Variants in CYP7B1 observed in about 807,000 individuals in gnomAD.
CYP7B1 encodes cytochrome P450 7B1.
CYP7B1 carries 29 observed loss-of-function variants against 42.7 expected under a neutral mutation model. The observed-to-expected ratio is 0.68, with a 90% CI of 0.51 to 0.93. CYP7B1 has a LOEUF of 0.93. Ranked by LOEUF, CYP7B1 falls within the 40% of genes least tolerant of loss-of-function variation. The pLI, the probability that CYP7B1 is intolerant of heterozygous loss-of-function variation, is 0.00. For synonymous variants in CYP7B1, 235 were observed against 218.2 expected (o/e 1.08, Z -0.68); for missense variants, 655 against 600.5 (o/e 1.09, Z -0.95).
At chr8:64,625,836 T>A (rs538085815) in intron 1 of CYP7B1, among the ~76,000 whole-genome samples, 27 of 152,270 alleles carry the variant, frequency 1.8e-4, no homozygotes, top group African/African-American at 6.3e-4. Flanking sequence ...ATAAAGGCTA[T>A]GAGGGTTTCT....
In CYP7B1 at chr8:64,591,575, T is replaced by G. The variant is rs1237132958; in HGVS notation, c.*5067A>C. Among the ~76,000 whole-genome samples, 5 of 152,200 alleles carry G rather than the reference T, an allele frequency of 3.3e-5. No homozygotes were observed. The highest frequency in any genetic ancestry group is 7.3e-5 in the Non-Finnish European group (5 of 68,038). On this transcript the variant is annotated 3_prime_UTR_variant, in exon 6 of 6. Transcript: ENST00000310193. Reference sequence around the variant, plus strand: ...ACTTGCAGAAAATTACCCAAATTATTTTTATGATAAAATAAGCATTAAAAA... The same window carrying G: ...ACTTGCAGAAAATTACCCAAATTATGTTTATGATAAAATAAGCATTAAAAA...
chr8:64,617,695 T>G (rs1305718673), intron 2 of CYP7B1, among the ~76,000 whole-genome samples: 1 of 152,146 alleles, frequency 6.6e-6, no homozygotes, highest in Non-Finnish European at 1.5e-5. Context: ...TGTCTGTGTG[T>G]GTGTGTGTTG....
chr8:64,604,719 A>C lies in CYP7B1; in HGVS notation c.1196T>G (p.Val399Gly), dbSNP rs1269274384. Residue 399 changes from valine (V) to glycine (G), a missense_variant, in exon 5 of 6, where the codon GTC becomes GGC. Val to Gly is a moderately radical substitution (Grantham distance 109). Coordinates refer to ENST00000310193, the MANE Select transcript of CYP7B1 (RefSeq NM_004820.5). ...AAAGATTTCAGGGTCACCATGTAGG[A>C]CTGGAGGAAAGATGGCTACCAAGTC... ...KGDLVAIFPP[V>G]LHGDPEIFEA... 1.2e-6 allele frequency: 2 copies of C among 1,614,136 alleles called. No individual in the cohort carries two copies. The highest frequency in any genetic ancestry group is 1.6e-4 in the Middle Eastern group (1 of 6,062).
intron 1 of CYP7B1, among the ~76,000 whole-genome samples, chr8:64,735,023 T>C (rs890039566): frequency 5.3e-5 from 8 of 152,112 alleles, no homozygotes; most frequent in Admixed American, 4.6e-4. Context: ...GCCACTGACC[T>C]GGAGGAGGTG....
intron 1 of CYP7B1, among the ~76,000 whole-genome samples, chr8:64,719,291 TC>T (rs1284548089): frequency 6.6e-6 from 1 of 152,144 alleles, no homozygotes; most frequent in Non-Finnish European, 1.5e-5. Flanking sequence ...ATCATTAAGA[TC>T]CCCACAAAGC....
At chr8:64,588,582 G>T, downstream of CYP7B1, among the ~76,000 whole-genome samples, 1 of 152,174 alleles carries the variant, frequency 6.6e-6, no homozygotes, top group East Asian at 1.9e-4. Flanking sequence ...GGCAATTACT[G>T]AAGAACTTGG....
At position 64,678,622 on chromosome 8, in the gene CYP7B1, C is replaced by T. The variant is rs1806486788; in HGVS notation, c.123-54083G>A. ...TCTACAATCAGTATTTGGTAACATACTGCTGCTACGGGTGCTCCTTGCCTG... is the reference window on the plus strand; with the variant it reads ...TCTACAATCAGTATTTGGTAACATATTGCTGCTACGGGTGCTCCTTGCCTG... On this transcript the variant is annotated intron_variant, in intron 1 of 5. Coordinates refer to ENST00000310193, the MANE Select transcript of CYP7B1 (RefSeq NM_004820.5). Among the ~76,000 whole-genome samples the T allele has an allele frequency of 2.0e-5, 3 of 152,146 alleles. No homozygotes were observed. In the South Asian group the frequency reaches 6.2e-4, roughly 32 times the overall value.
intron 1 of CYP7B1, among the ~76,000 whole-genome samples, chr8:64,696,736 T>C (rs1030062488): frequency 1.3e-5 from 2 of 152,230 alleles, no homozygotes; most frequent in African/African-American, 2.4e-5. Context: ...ACTTTTTTTT[T>C]CTTATATTTC....
At chr8:64,587,305 C>G (rs1452568347), downstream of CYP7B1, among the ~76,000 whole-genome samples, 1 of 152,050 alleles carries the variant, frequency 6.6e-6, no homozygotes, top group Non-Finnish European at 1.5e-5. Flanking sequence ...AGCACCCCTT[C>G]TCTCAGGACT....
At chr8:64,764,648 C>A (rs1017124832) in intron 1 of CYP7B1, among the ~76,000 whole-genome samples, 1 of 152,048 alleles carries the variant, frequency 6.6e-6, no homozygotes, top group Non-Finnish European at 1.5e-5. Context: ...ACCCAGTAAC[C>A]CACAGATGGC....
intron 1 of CYP7B1, among the ~76,000 whole-genome samples, chr8:64,663,350 G>T (rs575634524): frequency 6.6e-6 from 1 of 152,254 alleles, no homozygotes; most frequent in South Asian, 2.1e-4. Flanking sequence ...TTAGCACAGG[G>T]CTTGACACTT....
At chr8:64,697,942 G>C (rs574902567) in intron 1 of CYP7B1, among the ~76,000 whole-genome samples, 2 of 152,278 alleles carry the variant, frequency 1.3e-5, no homozygotes, top group Admixed American at 6.5e-5. Context: ...GGCTCACATA[G>C]ACCAGATATT....
intron 1 of CYP7B1, among the ~76,000 whole-genome samples, chr8:64,735,413 A>C (rs1807472569): frequency 1.3e-5 from 2 of 152,088 alleles, no homozygotes; most frequent in Non-Finnish European, 2.9e-5. Flanking sequence ...CCAGGAAGAG[A>C]AGGATGACTA....
intron 1 of CYP7B1, among the ~76,000 whole-genome samples, chr8:64,745,568 T>C (rs894110246): frequency 1.3e-5 from 2 of 152,176 alleles, no homozygotes; most frequent in African/African-American, 2.4e-5. Flanking sequence ...TTACCACTAA[T>C]ACTAACAGAC....
chr8:64,719,909 C>G (rs933001784), intron 1 of CYP7B1, among the ~76,000 whole-genome samples: 1 of 152,174 alleles, frequency 6.6e-6, no homozygotes, highest in Non-Finnish European at 1.5e-5. Flanking sequence ...TTCTATTTGA[C>G]GACTTTAACT....
chr8:64,669,726 TAC>T (rs57345617), intron 1 of CYP7B1, among the ~76,000 whole-genome samples: 41 of 129,408 alleles, frequency 3.2e-4, no homozygotes, highest in Admixed American at 4.9e-4. Flanking sequence ...TTTACATACA[TAC>T]ACACACACAC....
intron 1 of CYP7B1, among the ~76,000 whole-genome samples, chr8:64,640,526 T>C (rs1394579437): frequency 6.6e-6 from 1 of 152,162 alleles, no homozygotes; most frequent in East Asian, 1.9e-4. Context: ...ATCTTTGTAT[T>C]TTCCAAGCCG....
intron 1 of CYP7B1, among the ~76,000 whole-genome samples, chr8:64,747,464 A>C (rs1807661499): frequency 1.3e-5 from 2 of 151,392 alleles, no homozygotes; most frequent in South Asian, 4.1e-4. Flanking sequence ...CAATAACATA[A>C]AAAGTTAATT....
chr8:64,784,764 T>C (rs1804494286), intron 1 of CYP7B1, among the ~76,000 whole-genome samples: 1 of 152,084 alleles, frequency 6.6e-6, no homozygotes, highest in South Asian at 2.1e-4. Flanking sequence ...AAACCTCAGT[T>C]GCTAACAAGA....
Sources: allele counts gnomAD v4.1 joint callset (sites outside exome capture counted in the v4.1 genomes callset), GRCh38; gene constraint gnomAD v4.1.1; transcripts MANE v1.5; gene names NCBI Gene and HGNC (gene_info 2026-07-23, HGNC 2026-07-21).